Variants in FHOD3 observed in about 807,000 individuals in gnomAD.
FHOD3 encodes the protein formin homology 2 domain containing 3.
FHOD3 carries 90 observed loss-of-function variants against 173.0 expected under a neutral mutation model. The ratio of observed to expected loss-of-function variants is 0.52; its 90% CI spans 0.44 to 0.62. The LOEUF (loss-of-function observed/expected upper bound fraction) is 0.62. Ranked by LOEUF, FHOD3 falls within the 20% of genes least tolerant of loss-of-function variation. The probability of loss-of-function intolerance (pLI) is 0.00; values close to 1 mark genes in which losing one functional copy is unlikely to be tolerated. For synonymous variants in FHOD3, 828 were observed against 823.0 expected (o/e 1.01, Z -0.10); for missense variants, 1,945 against 2,034.7 (o/e 0.96, Z 0.85).
At chr18:36,495,722 T>G (rs2054709529) in intron 3 of FHOD3, among the ~76,000 whole-genome samples, 1 of 152,148 alleles carries the variant, frequency 6.6e-6, no homozygotes, top group Non-Finnish European at 1.5e-5. Flanking sequence ...AACCACAGAT[T>G]GAAGTCATAT....
At chr18:36,712,317 C>T (rs764017382) in intron 18 of FHOD3, among the ~76,000 whole-genome samples, 12 of 152,114 alleles carry the variant, frequency 7.9e-5, no homozygotes, top group East Asian at 1.9e-4. Flanking sequence ...AATTATGTGA[C>T]GGGGATTTTG....
At chr18:36,341,654 G>A (rs2045629360) in intron 1 of FHOD3, among the ~76,000 whole-genome samples, 1 of 152,110 alleles carries the variant, frequency 6.6e-6, no homozygotes, top group African/African-American at 2.4e-5. Flanking sequence ...CATTCATTGG[G>A]ACCCCTAAAG....
chr18:36,403,059 G>A (rs946997047), intron 3 of FHOD3, among the ~76,000 whole-genome samples: 1 of 152,200 alleles, frequency 6.6e-6, no homozygotes, highest in African/African-American at 2.4e-5. Context: ...GGGGCCATGA[G>A]GGTGCAGGGT....
chr18:36,317,968 A>G (rs1005574757), intron 1 of FHOD3, among the ~76,000 whole-genome samples: 7 of 152,176 alleles, frequency 4.6e-5, no homozygotes, highest in African/African-American at 1.4e-4. Flanking sequence ...TCCCAGCACC[A>G]TTTATTAAAT....
At chr18:36,357,401 G>A (rs1329276052) in intron 2 of FHOD3, among the ~76,000 whole-genome samples, 1 of 152,158 alleles carries the variant, frequency 6.6e-6, no homozygotes, top group East Asian at 1.9e-4. Flanking sequence ...CAGGTGAATG[G>A]CGCATTGCCA....
At chr18:36,507,290 A>AAATT (rs1260528608) in intron 4 of FHOD3, among the ~76,000 whole-genome samples, 1 of 152,238 alleles carries the variant, frequency 6.6e-6, no homozygotes, top group African/African-American at 2.4e-5. Context: ...TTCTAGCACA[A>AAATT]AATTATTTAA....
intron 5 of FHOD3, among the ~76,000 whole-genome samples, chr18:36,554,318 A>G (rs1421720938): frequency 6.6e-6 from 1 of 152,186 alleles, no homozygotes; most frequent in East Asian, 1.9e-4. Context: ...AAAAAAGGAT[A>G]AGTTCACGTC....
intron 3 of FHOD3, among the ~76,000 whole-genome samples, chr18:36,482,822 A>AACACACACACACAC (rs1202251220): frequency 2.8e-4 from 26 of 92,578 alleles, no homozygotes; most frequent in African/African-American, 1.1e-3. Context: ...CCGGTGAACA[A>AACACACACACACAC]ACACACACAC....
intron 10 of FHOD3, among the ~76,000 whole-genome samples, chr18:36,644,652 T>C (rs2035560675): frequency 6.6e-6 from 1 of 152,226 alleles, no homozygotes; most frequent in Non-Finnish European, 1.5e-5. Flanking sequence ...GCTTGGGATG[T>C]AGGTTCAGAT....
intron 14 of FHOD3, among the ~76,000 whole-genome samples, chr18:36,678,097 T>C (rs2037980655): frequency 6.6e-6 from 1 of 152,220 alleles, no homozygotes; most frequent in Non-Finnish European, 1.5e-5. Flanking sequence ...TATCTGTAAA[T>C]AGTGATGTTG....
At chr18:36,750,242 A>G (rs2042346672) in intron 24 of FHOD3, among the ~76,000 whole-genome samples, 2 of 152,176 alleles carry the variant, frequency 1.3e-5, no homozygotes, top group African/African-American at 4.8e-5. Flanking sequence ...GAGCCGAGAC[A>G]GTGCCACTAC....
chr18:36,517,366 G>A (rs1346276830), intron 5 of FHOD3, among the ~76,000 whole-genome samples: 2 of 152,188 alleles, frequency 1.3e-5, no homozygotes, highest in Admixed American at 1.3e-4. Context: ...CTGGGGTTGT[G>A]ACGATGGAAC....
intron 1 of FHOD3, among the ~76,000 whole-genome samples, chr18:36,306,889 C>T (rs1287748663): frequency 6.6e-6 from 1 of 152,188 alleles, no homozygotes; most frequent in Non-Finnish European, 1.5e-5. Context: ...GCTAGGAGCA[C>T]CTCCTGACTT....
intron 8 of FHOD3, among the ~76,000 whole-genome samples, chr18:36,609,847 G>C (rs1051939905): frequency 7.2e-5 from 11 of 152,128 alleles, no homozygotes; most frequent in African/African-American, 2.7e-4. Context: ...CTAGCCTCAA[G>C]TGATCCACCT....
chr18:36,311,165 T>G (rs2092247869), intron 1 of FHOD3, among the ~76,000 whole-genome samples: 1 of 138,376 alleles, frequency 7.2e-6, no homozygotes, highest in South Asian at 2.7e-4. Context: ...GTAGATAGCA[T>G]GGGAGGAGGA....
chr18:36,510,442 A>T (rs1303467248), intron 4 of FHOD3, among the ~76,000 whole-genome samples: 2 of 152,150 alleles, frequency 1.3e-5, no homozygotes, highest in African/African-American at 4.8e-5. Context: ...TCAGTTCTGA[A>T]TGATTTTTAT....
In FHOD3 at chr18:36,389,025, C is replaced by T. The variant is rs1183570381; in HGVS notation, c.337+16281C>T. Among the ~76,000 whole-genome samples the T allele has an allele frequency of 3.9e-5, 6 of 152,068 alleles. No individual in the cohort carries two copies. In the East Asian group the frequency reaches 5.8e-4, roughly 15 times the overall value. ...GCGCTTCTTGCCAAATGCAGATGAG[C>T]GGTCAGCCTGCCAGTGTTTGCAACG... On this transcript the variant is annotated intron_variant, in intron 3 of 28. Coordinates refer to ENST00000590592, the MANE Select transcript of FHOD3 (RefSeq NM_001281740.3).
At chr18:36,557,919 T>C (rs557305130) in intron 5 of FHOD3, among the ~76,000 whole-genome samples, 12 of 152,248 alleles carry the variant, frequency 7.9e-5, no homozygotes, top group Non-Finnish European at 1.8e-4. Context: ...CAGAGAAGCA[T>C]TGAATCTAGG....
At chr18:36,384,897 T>TACCACCACC (rs60582813) in intron 3 of FHOD3, among the ~76,000 whole-genome samples, 19,341 of 150,940 alleles carry the variant, frequency 0.13, 1,582 homozygotes, top group South Asian at 0.31. Context: ...TGGTGGAAGA[T>TACCACCACC]ACCACCACCA....
Sources: gnomAD v4.1 joint callset for allele counts (sites outside exome capture counted in the v4.1 genomes callset) on GRCh38, gnomAD v4.1.1 for gene constraint, MANE v1.5 for transcripts, NCBI Gene and HGNC (gene_info 2026-07-23, HGNC 2026-07-21) for gene names.